The following STARD13 variants were observed in gnomAD, a reference collection of about 807,000 sequenced individuals.
STARD13 encodes stAR-related lipid transfer protein 13.
In STARD13, 62 loss-of-function variants were observed where a neutral mutation model predicts 106.4. That is an observed-to-expected ratio of 0.58 (90% confidence interval 0.48 to 0.72). STARD13 has a LOEUF of 0.72. Ranked by LOEUF, STARD13 falls within the 30% of genes least tolerant of loss-of-function variation. The pLI, the probability that STARD13 is intolerant of heterozygous loss-of-function variation, is 0.00. For synonymous variants in STARD13, 565 were observed against 553.0 expected (o/e 1.02, Z -0.31); for missense variants, 1,387 against 1,424.0 (o/e 0.97, Z 0.42).
intron 1 of STARD13, chr13:33,274,045 T>A (rs74045787): frequency 6.6e-6 from 1 of 151,384 alleles, no homozygotes; most frequent in Admixed American, 6.6e-5. Context: ...ATGGAAGCAA[T>A]CAGCACCATG....
the STARD13 span, among the ~76,000 whole-genome samples, chr13:33,610,319 A>G: frequency 6.6e-6 from 1 of 152,242 alleles, no homozygotes; most frequent in African/African-American, 2.4e-5. Context: ...TTAAGGAGAA[A>G]AAAAAGCAAG....
intron 1 of STARD13, among the ~76,000 whole-genome samples, chr13:33,256,977 T>C (rs1475270050): frequency 6.6e-6 from 1 of 152,128 alleles, no homozygotes; most frequent in Non-Finnish European, 1.5e-5. Flanking sequence ...ATACAAAAGC[T>C]ACAAAATAAC....
intron 8 of STARD13, among the ~76,000 whole-genome samples, chr13:33,116,074 A>C (rs142247560): frequency 2.5e-4 from 38 of 152,308 alleles, no homozygotes; most frequent in African/African-American, 8.9e-4. Context: ...CGGTTCCCCA[A>C]TGCTTAATGA....
chr13:33,163,994 A>G (rs1364334087), intron 3 of STARD13, among the ~76,000 whole-genome samples: 1 of 151,964 alleles, frequency 6.6e-6, no homozygotes, highest in Admixed American at 6.6e-5. Context: ...AGAAGAGGAA[A>G]CACTGTCTTT....
chr13:33,509,262 G>C, the STARD13 span, among the ~76,000 whole-genome samples: 1 of 152,146 alleles, frequency 6.6e-6, no homozygotes, highest in Non-Finnish European at 1.5e-5. Context: ...GAGGAAAAGG[G>C]ATTTGGTCCT....
the STARD13 span, among the ~76,000 whole-genome samples, chr13:33,394,000 A>G: frequency 1.3e-5 from 2 of 152,226 alleles, no homozygotes; most frequent in African/African-American, 4.8e-5. Context: ...TGAAGGACAT[A>G]TATAAAGGCA....
At chr13:33,201,602 A>T (rs1887045376) in intron 1 of STARD13, among the ~76,000 whole-genome samples, 1 of 152,210 alleles carries the variant, frequency 6.6e-6, no homozygotes, top group Admixed American at 6.5e-5. Flanking sequence ...ACCAGTTTGA[A>T]TCTCCAGCTC....
the STARD13 span, among the ~76,000 whole-genome samples, chr13:33,360,253 G>A: frequency 2.0e-5 from 3 of 151,684 alleles, no homozygotes; most frequent in Admixed American, 6.6e-5. Flanking sequence ...CGCCCAGGCT[G>A]TAGTGCCATG....
chr13:33,377,720 T>C, the STARD13 span, among the ~76,000 whole-genome samples: 1 of 152,028 alleles, frequency 6.6e-6, no homozygotes, highest in Non-Finnish European at 1.5e-5. Flanking sequence ...TCCTGGATAA[T>C]CCATATCACA....
intron 1 of STARD13, among the ~76,000 whole-genome samples, chr13:33,219,824 AAAG>A (rs779473230): frequency 0.022 from 2,946 of 132,758 alleles, 45 homozygotes; most frequent in Middle Eastern, 0.072. Context: ...AAAAAAAAAA[AAAG>A]AAAGAAAGAA....
At chr13:33,378,505 G>A in the STARD13 span, among the ~76,000 whole-genome samples, 1 of 152,152 alleles carries the variant, frequency 6.6e-6, no homozygotes. Context: ...CATAGGCCAG[G>A]CGTGGTCGGG....
intron 1 of STARD13, among the ~76,000 whole-genome samples, chr13:33,209,149 G>T (rs1887576896): frequency 6.6e-6 from 1 of 152,170 alleles, no homozygotes; most frequent in South Asian, 2.1e-4. Context: ...CAGGACTTGT[G>T]TGTTACCCCC....
At chr13:33,217,095 C>T (rs956704012) in intron 1 of STARD13, among the ~76,000 whole-genome samples, 1 of 152,114 alleles carries the variant, frequency 6.6e-6, no homozygotes, top group East Asian at 1.9e-4. Flanking sequence ...TAAGTCCCCC[C>T]AATAAACCCT....
intron 1 of STARD13, among the ~76,000 whole-genome samples, chr13:33,189,204 G>C (rs1365090420): frequency 1.3e-5 from 2 of 151,878 alleles, no homozygotes; most frequent in Non-Finnish European, 2.9e-5. Context: ...TATTTTTTGA[G>C]AGGTGATAGA....
chr13:33,160,946 G>T (rs1882548115), intron 3 of STARD13, among the ~76,000 whole-genome samples: 1 of 152,140 alleles, frequency 6.6e-6, no homozygotes, highest in South Asian at 2.1e-4. Flanking sequence ...AAACTTAAAT[G>T]CTCATACAAA....
chr13:33,306,498 G>T (rs1251051802), intron 1 of STARD13, among the ~76,000 whole-genome samples: 1 of 152,138 alleles, frequency 6.6e-6, no homozygotes, highest in East Asian at 1.9e-4. Flanking sequence ...AAACTAAAGA[G>T]CTTCTGCACA....
At chr13:33,656,074 C>G in the STARD13 span, among the ~76,000 whole-genome samples, 1 of 152,208 alleles carries the variant, frequency 6.6e-6, no homozygotes, top group Admixed American at 6.5e-5. Flanking sequence ...CCTTATCCCA[C>G]TTTCTGGCTT....
chr13:33,520,471 T>C, the STARD13 span, among the ~76,000 whole-genome samples: 18 of 152,182 alleles, frequency 1.2e-4, no homozygotes, highest in African/African-American at 4.3e-4. Context: ...TCATCCTAAT[T>C]TAATCATAAA....
At chr13:33,430,769 CA>C in the STARD13 span, among the ~76,000 whole-genome samples, 27 of 152,108 alleles carry the variant, frequency 1.8e-4, no homozygotes, top group Admixed American at 1.8e-3. Context: ...TTTGCAGTAA[CA>C]TAGATGGAAC....
Sources: gnomAD v4.1 joint callset for allele counts (sites outside exome capture counted in the v4.1 genomes callset) on GRCh38, gnomAD v4.1.1 for gene constraint, MANE v1.5 for transcripts, NCBI Gene and HGNC (gene_info 2026-07-23, HGNC 2026-07-21) for gene names.